PXDN: variants seen among roughly 807,000 people sequenced by gnomAD.
PXDN encodes the protein peroxidasin.
In PXDN, 77 loss-of-function variants were observed where a neutral mutation model predicts 140.3. That is an observed-to-expected ratio of 0.55 (90% CI 0.46 to 0.66). PXDN has a LOEUF of 0.66. Ranked by LOEUF, PXDN falls within the 30% of genes least tolerant of loss-of-function variation. The pLI is 0.00. For synonymous variants in PXDN, 911 were observed against 857.4 expected (o/e 1.06, Z -1.09); for missense variants, 1,838 against 2,039.5 (o/e 0.90, Z 1.90).
In PXDN at chr2:1,714,495, C is replaced by T. The variant is rs115026233; in HGVS notation, c.201-21361G>A. Among the ~76,000 whole-genome samples, 1,255 of 152,246 alleles carry T rather than the reference C, an allele frequency of 8.2e-3. 20 individuals are homozygous for T. Among genetic ancestry groups the T allele is most frequent in the African/African-American group, 0.029 (1,208 of 41,552 alleles). On this transcript the variant is annotated intron_variant, in intron 1 of 22. Coordinates refer to ENST00000252804, the MANE Select transcript of PXDN (RefSeq NM_012293.3). This position sits in a 1 kb window ranked among gnomAD's most constrained non-coding sequence, Gnocchi z 4.3. ...ACCAATCCTCGCCCAGCAATGACCGCGGGTCCACGCTCAGGGAAATGCCCC... is the reference window on the plus strand; with the variant it reads ...ACCAATCCTCGCCCAGCAATGACCGTGGGTCCACGCTCAGGGAAATGCCCC...
rs1303011334 is a variant in PXDN, at chr2:1,639,447, T to C, written c.3953-25A>G. ...TCTAAAATGGAAGCACAAAGCAGAATGTCAGCTCTGAAGGCTCTGACCTCG... is the reference window on the plus strand; with the variant it reads ...TCTAAAATGGAAGCACAAAGCAGAACGTCAGCTCTGAAGGCTCTGACCTCG... On this transcript the variant is annotated intron_variant, in intron 19 of 22. Transcript: ENST00000252804. The surrounding 1 kb of genome is among the most constrained non-coding windows in gnomAD (Gnocchi z 5.0). 6.2e-7 allele frequency: 1 copy of C among 1,613,794 alleles called. No individual in the cohort carries two copies. The highest frequency in any genetic ancestry group is 8.5e-7 in the Non-Finnish European group (1 of 1,179,734).
chr2:1,638,723 T>G (rs1682635223), intron 21 of PXDN, 123 bp downstream of exon 21: 1 of 1,453,068 alleles, frequency 6.9e-7, no homozygotes, highest in Admixed American at 1.7e-5. Context: ...CTCCAGGGTC[T>G]GGGTCCTGTG....
chr2:1,659,998 T>C (rs1683265369), intron 14 of PXDN, among the ~76,000 whole-genome samples: 1 of 151,768 alleles, frequency 6.6e-6, no homozygotes, highest in East Asian at 1.9e-4. Flanking sequence ...CTGCGGGGAG[T>C]GGGGTGATGG....
At chr2:1,702,257 G>T (rs532182472) in intron 1 of PXDN, among the ~76,000 whole-genome samples, 1 of 152,158 alleles carries the variant, frequency 6.6e-6, no homozygotes, top group African/African-American at 2.4e-5. Context: ...CCAGGCAACG[G>T]GAATTGGGGT....
intron 14 of PXDN, among the ~76,000 whole-genome samples, chr2:1,658,150 C>G (rs367962606): frequency 6.6e-6 from 1 of 151,196 alleles, no homozygotes; most frequent in Admixed American, 6.6e-5. Flanking sequence ...CTGCCTTGCC[C>G]GCCCGGCCTC....
chr2:1,654,599 G>T, intron 14 of PXDN, 91 bp from the exon 15 acceptor site: 1 of 718,750 alleles, frequency 1.4e-6, no homozygotes, highest in South Asian at 2.5e-5. Context: ...TAGCCACAAG[G>T]CATACTTTTC....
At chr2:1,739,387 C>T (rs1490657969) in intron 1 of PXDN, among the ~76,000 whole-genome samples, 1 of 152,086 alleles carries the variant, frequency 6.6e-6, no homozygotes, top group Admixed American at 6.6e-5. Flanking sequence ...GATCAAGCCA[C>T]GCTTGAACCT....
Position 1,660,920 on chromosome 2 carries a change from TG to T in PXDN, c.1797del (p.Ile600LeufsTer6). 1 of 1,613,884 alleles carries T rather than the reference TG, an allele frequency of 6.2e-7. No homozygotes were observed. The highest frequency in any genetic ancestry group is 8.5e-7 in the Non-Finnish European group (1 of 1,179,854). ...AGRYECVARN[T>X]IGSASVSMVL... ...ACCATGCTCACCGAGGCCGACCCAA[TG>T]GTGTTCCGGGCCACACACTCATAGC... is the stretch of plus-strand genomic sequence containing the variant. On this transcript the variant is annotated frameshift_variant, in exon 14 of 23. Coordinates refer to ENST00000252804, the MANE Select transcript of PXDN (RefSeq NM_012293.3). LOFTEE classifies it high-confidence loss of function. This position sits in a 1 kb window ranked among gnomAD's most constrained non-coding sequence, Gnocchi z 4.6.
At chr2:1,656,297 T>G (rs1284710609) in intron 14 of PXDN, among the ~76,000 whole-genome samples, 3 of 152,218 alleles carry the variant, frequency 2.0e-5, no homozygotes, top group African/African-American at 7.2e-5. Flanking sequence ...ATAAACTAAT[T>G]CCAACCAACT....
At chr2:1,682,119 G>T (rs1179689737) in intron 6 of PXDN, among the ~76,000 whole-genome samples, 1 of 152,166 alleles carries the variant, frequency 6.6e-6, no homozygotes. Context: ...AAACAGGAGA[G>T]GGGGACCTTG....
chr2:1,707,966 C>A (rs1238712531), intron 1 of PXDN, among the ~76,000 whole-genome samples: 1 of 152,242 alleles, frequency 6.6e-6, no homozygotes, highest in East Asian at 1.9e-4. Flanking sequence ...AGAACGGAAA[C>A]CAAACGCAGG....
chr2:1,739,910 T>C (rs182623849), intron 1 of PXDN, among the ~76,000 whole-genome samples: 11 of 152,376 alleles, frequency 7.2e-5, no homozygotes, highest in Non-Finnish European at 1.5e-4. Context: ...TTTGACTCTG[T>C]TGTGCCAACA....
At chr2:1,656,043 C>G (rs982379810) in intron 14 of PXDN, among the ~76,000 whole-genome samples, 4 of 151,578 alleles carry the variant, frequency 2.6e-5, no homozygotes, top group Non-Finnish European at 5.9e-5. Context: ...CATACCAACA[C>G]CATAGCATAC....
In PXDN at chr2:1,635,393, G is replaced by GC. The variant is rs769319064; in HGVS notation, c.4320+14dup. ...GTATACCTTAGGACATGAAGATAGA[G>GC]CCCCCCATACTCACTTTGCATTCAC... is the stretch of plus-strand genomic sequence containing the variant. On this transcript the variant is annotated intron_variant, in intron 22 of 22. Coordinates refer to ENST00000252804, the MANE Select transcript of PXDN (RefSeq NM_012293.3). 3.7e-5 allele frequency: 57 copies of GC among 1,557,806 alleles called. No individual in the cohort carries two copies. The highest frequency in any genetic ancestry group is 4.0e-5 in the Non-Finnish European group (46 of 1,147,612).
chr2:1,697,229 T>C (rs941079899), intron 1 of PXDN, among the ~76,000 whole-genome samples: 6 of 152,178 alleles, frequency 3.9e-5, no homozygotes, highest in Non-Finnish European at 5.9e-5. Flanking sequence ...ATACACACTA[T>C]GTATATTTTT....
chr2:1,714,895 T>A lies in PXDN; in HGVS notation c.201-21761A>T, dbSNP rs1684860738. Among the ~76,000 whole-genome samples, 1 of 152,148 alleles carries A rather than the reference T, an allele frequency of 6.6e-6. No individual in the cohort carries two copies. Among genetic ancestry groups the A allele is most frequent in the South Asian group, 2.1e-4 (1 of 4,830 alleles). On this transcript the variant is annotated intron_variant, in intron 1 of 22. Transcript: ENST00000252804. The surrounding 1 kb of genome is among the most constrained non-coding windows in gnomAD (Gnocchi z 4.3). ...TGGGAGCCTGGCCTGGCGCCCTGTC[T>A]TGCTCACCCTGTCCCAGATTAACCT...
intron 3 of PXDN, among the ~76,000 whole-genome samples, chr2:1,690,067 T>C (rs1289671561): frequency 6.6e-6 from 1 of 152,210 alleles, no homozygotes; most frequent in Non-Finnish European, 1.5e-5. Flanking sequence ...TGTACACAGG[T>C]GAAATCACAG....
chr2:1,644,781 A>T, intron 17 of PXDN, 29 bp from the exon 18 acceptor site: 9 of 1,459,872 alleles, frequency 6.2e-6, no homozygotes, highest in South Asian at 1.5e-5. Flanking sequence ...ACTGAAATCT[A>T]CCTAACAAAG....
intron 19 of PXDN, among the ~76,000 whole-genome samples, chr2:1,640,389 G>A (rs565492696): frequency 2.0e-5 from 3 of 152,350 alleles, no homozygotes; most frequent in Non-Finnish European, 4.4e-5. Context: ...AGAGGCACGT[G>A]CAGCATACAC....
Sources: gnomAD v4.1 joint callset for allele counts (sites outside exome capture counted in the v4.1 genomes callset) on GRCh38, gnomAD v4.1.1 for gene constraint, Gnocchi (gnomAD v3.1) non-coding constraint, MANE v1.5 for transcripts, NCBI Gene and HGNC (gene_info 2026-07-23, HGNC 2026-07-21) for gene names.